Variants in DOP1B observed in about 807,000 individuals in gnomAD.
The protein encoded by DOP1B is protein DOP1B.
In DOP1B, 174 loss-of-function variants were observed where a neutral mutation model predicts 233.5. The ratio of observed to expected loss-of-function variants is 0.75; its 90% confidence interval spans 0.66 to 0.85. The LOEUF is 0.85. Among genes scored for constraint, DOP1B ranks in the 40% least tolerant of loss-of-function variants. DOP1B has a pLI of 0.00. For missense variants in DOP1B, 2,652 were observed against 2,846.6 expected, an observed-to-expected ratio of 0.93 and a Z score of 1.56; for synonymous variants, 1,190 against 1,185.6, an observed-to-expected ratio of 1.00 and a Z score of -0.08.
In DOP1B at chr21:36,278,342, A is replaced by G. The variant is rs201241976; in HGVS notation, c.5956A>G (p.Thr1986Ala). The change falls in exon 30 of 37, where the codon ACT becomes GCT. Residue 1986 changes from threonine to alanine, a missense_variant. Transcript: ENST00000691173. Reference protein sequence around the residue: ...FLDPAFFQMDTSCVHWKSIID... With the variant: ...FLDPAFFQMDASCVHWKSIID... ...CGACCCCGCTTTCTTTCAGATGGAT[A>G]CTTCCTGTGTTCAGTAAGATATGCT... 1.9e-6 allele frequency: 3 copies of G among 1,612,930 alleles called. No individual in the cohort carries two copies. The highest frequency in any genetic ancestry group is 3.3e-4 in the Middle Eastern group (2 of 6,056).
At chr21:36,213,058 A>G (rs566988937) in intron 7 of DOP1B, among the ~76,000 whole-genome samples, 1 of 152,258 alleles carries the variant, frequency 6.6e-6, no homozygotes, top group African/African-American at 2.4e-5. Flanking sequence ...CTGGAATTAC[A>G]TGCCACCACA....
At chr21:36,275,893 G>T (rs1433117290) in intron 27 of DOP1B, among the ~76,000 whole-genome samples, 1 of 152,132 alleles carries the variant, frequency 6.6e-6, no homozygotes, top group East Asian at 1.9e-4. Flanking sequence ...GTGTGGGTGG[G>T]AGGTGAGGAC....
intron 27 of DOP1B, among the ~76,000 whole-genome samples, chr21:36,275,484 G>A (rs1014439443): frequency 6.6e-6 from 1 of 151,964 alleles, no homozygotes; most frequent in East Asian, 1.9e-4. Context: ...ACAGCCTGTA[G>A]TAATGGGACC....
intron 23 of DOP1B, among the ~76,000 whole-genome samples, chr21:36,255,191 G>A (rs902471297): frequency 6.6e-6 from 1 of 151,944 alleles, no homozygotes; most frequent in African/African-American, 2.4e-5. Flanking sequence ...GGAGTACAGT[G>A]GTGCAATCTC....
chr21:36,220,616 T>G (rs1179566876), intron 10 of DOP1B, among the ~76,000 whole-genome samples: 2 of 151,738 alleles, frequency 1.3e-5, no homozygotes, highest in Non-Finnish European at 2.9e-5. Context: ...TCCTCACGCC[T>G]CAGCCCCTTA....
intron 1 of DOP1B, among the ~76,000 whole-genome samples, chr21:36,159,935 G>A (rs1292352027): frequency 1.3e-5 from 2 of 152,134 alleles, no homozygotes; most frequent in Non-Finnish European, 2.9e-5. Flanking sequence ...ACACTTACGT[G>A]TCCCACATTA....
Position 36,277,079 on chromosome 21 carries a change from A to C in DOP1B, c.5691A>C (p.Gln1897His). 6.2e-7 allele frequency: 1 copy of C among 1,614,120 alleles called. No individual in the cohort carries two copies. The highest frequency in any genetic ancestry group is 1.1e-5 in the South Asian group (1 of 91,084). Residue 1897 changes from glutamine to histidine, a missense_variant, in exon 28 of 37, where the codon CAA becomes CAC. This residue lies in a region of DOP1B where 2,617 missense variants were observed against 2,794.3 expected (regional missense o/e 0.94). Coordinates refer to ENST00000691173, the MANE Select transcript of DOP1B (RefSeq NM_001320714.2). ...CCGCCCCGTCGGTGTACAGCGTGCA[A>C]GCCCTCTCTCTCCTGGCAGAGGTAA... ...SSSAPSVYSV[Q>H]ALSLLAEVLA...
At position 36,176,103 on chromosome 21, in the gene DOP1B, T is replaced by TGTGTGTGTGTGTGTGTGC. The variant is rs1555886163; in HGVS notation, c.138+11249_138+11250insCGTGTGTGTGTGTGTGTG. Among the ~76,000 whole-genome samples the TGTGTGTGTGTGTGTGTGC allele has an allele frequency of 8.8e-3, 1,246 of 142,006 alleles. 22 individuals are homozygous for TGTGTGTGTGTGTGTGTGC. The highest frequency in any genetic ancestry group is 0.029 in the African/African-American group (1,143 of 39,590). The allele number at this position is 142,006 out of a possible 152,430, so 93.2% of individuals were successfully genotyped here. A position where few individuals can be genotyped will look rare whatever the true frequency, so the allele number is the denominator to read the frequency against. The stretch of plus-strand genomic sequence containing the variant: ...CGACTTTGGGGTGTGTGTGCGTGTG[T>TGTGTGTGTGTGTGTGTGC]GTGTGTGTGTGTGTGTGTGGTGATA... On this transcript the variant is annotated intron_variant, in intron 2 of 36. Transcript: ENST00000691173.
chr21:36,278,225 A>G lies in DOP1B; in HGVS notation c.5839A>G (p.Ser1947Gly). 1.2e-6 allele frequency: 2 copies of G among 1,614,062 alleles called. No individual in the cohort carries two copies. Among genetic ancestry groups the G allele is most frequent in the Non-Finnish European group, 1.7e-6 (2 of 1,180,000 alleles). The change falls in exon 30 of 37, where the codon AGC (serine) becomes GGC (glycine). Residue 1947 changes from serine to glycine, a missense_variant. Transcript: ENST00000691173. The part of the protein sequence containing the change: ...LRNHSAYNAP[S>G]FRAGAQLLSS... ...CCCACTCAGTGCCTACAATGCTCCC[A>G]GCTTCCGGGCTGGCGCTCAGCTGCT...
At chr21:36,168,678 G>A (rs946775993) in intron 2 of DOP1B, among the ~76,000 whole-genome samples, 3 of 151,740 alleles carry the variant, frequency 2.0e-5, no homozygotes, top group Non-Finnish European at 2.9e-5. Flanking sequence ...AGGCGTTAGC[G>A]ACCATGCCTG....
Position 36,180,022 on chromosome 21 carries a change from C to T in DOP1B, c.138+15151C>T, listed in dbSNP as rs192074246. Among the ~76,000 whole-genome samples, 89 of 152,174 alleles carry T rather than the reference C, an allele frequency of 5.8e-4. 1 individual carries two copies. In the East Asian group the frequency reaches 0.014, roughly 24 times the overall value. On this transcript the variant is annotated intron_variant, in intron 2 of 36. Coordinates refer to ENST00000691173, the MANE Select transcript of DOP1B (RefSeq NM_001320714.2). ...GAGCCACAGCCTGTCACCTGCTGTA[C>T]TTTGTCATGTGTTTATCTAGCAGGA...
chr21:36,264,096 G>A (rs1360812890), intron 26 of DOP1B, among the ~76,000 whole-genome samples: 4 of 152,218 alleles, frequency 2.6e-5, no homozygotes. Flanking sequence ...GATGTATGTG[G>A]ATCTCACTGT....
intron 4 of DOP1B, among the ~76,000 whole-genome samples, chr21:36,202,746 A>C (rs578069396): frequency 6.6e-6 from 1 of 152,316 alleles, no homozygotes; most frequent in East Asian, 1.9e-4. Context: ...TAGGAGGCAG[A>C]ATCTGTCTCG....
intron 36 of DOP1B, among the ~76,000 whole-genome samples, chr21:36,292,602 T>G (rs1202769354): frequency 1.4e-5 from 2 of 145,646 alleles, no homozygotes; most frequent in Admixed American, 7.2e-5. Context: ...TTTGTTTTTT[T>G]GTTTTTGGGT....
intron 20 of DOP1B, 104 bp downstream of exon 20, chr21:36,247,732 C>T: frequency 2.6e-6 from 2 of 784,110 alleles, no homozygotes; most frequent in South Asian, 3.8e-5. Context: ...ATGTCTGTAA[C>T]TAATATGCGT....
intron 12 of DOP1B, among the ~76,000 whole-genome samples, chr21:36,227,375 A>G (rs112654935): frequency 0.14 from 20,575 of 150,484 alleles, 1,450 homozygotes; most frequent in African/African-American, 0.18. Context: ...GTGAAACCCC[A>G]TCTCTACTAA....
chr21:36,167,397 A>G (rs1027106099), intron 2 of DOP1B, among the ~76,000 whole-genome samples: 2 of 151,958 alleles, frequency 1.3e-5, no homozygotes, highest in African/African-American at 4.8e-5. Flanking sequence ...CTGGTCTCGA[A>G]CTCCTGACCT....
intron 23 of DOP1B, among the ~76,000 whole-genome samples, chr21:36,255,406 C>T (rs1276728463): frequency 2.6e-5 from 4 of 151,814 alleles, no homozygotes; most frequent in East Asian, 1.9e-4. Flanking sequence ...GGATTACAGG[C>T]GTGAGCCACC....
At chr21:36,257,633 G>GTTAGGTAA (rs1295113214) in intron 23 of DOP1B, among the ~76,000 whole-genome samples, 1 of 136,972 alleles carries the variant, frequency 7.3e-6, no homozygotes, top group Non-Finnish European at 1.7e-5. Flanking sequence ...TAGATAGATA[G>GTTAGGTAA]ATAGATAGAA....
Sources: gnomAD v4.1 joint callset for allele counts (sites outside exome capture counted in the v4.1 genomes callset) on GRCh38, gnomAD v4.1.1 for gene constraint, gnomAD v4.1.1 regional missense constraint, MANE v1.5 for transcripts, NCBI Gene and HGNC (gene_info 2026-07-23, HGNC 2026-07-21) for gene names.